The following LPAR3 variants were observed in gnomAD, a reference collection of about 807,000 sequenced individuals.
The protein encoded by LPAR3 is lysophosphatidic acid receptor 3, also known as LPA receptor 3.
A neutral mutation model predicts 17.8 loss-of-function variants in LPAR3; 7 were observed. The observed-to-expected ratio is 0.39, with a 90% confidence interval of 0.22 to 0.74. The LOEUF (loss-of-function observed/expected upper bound fraction) is 0.74. Among genes scored for constraint, LPAR3 ranks in the 30% least tolerant of loss-of-function variants. The probability of loss-of-function intolerance (pLI) is 0.40; values close to 1 mark genes in which losing one functional copy is unlikely to be tolerated. For synonymous variants in LPAR3, 179 were observed against 179.9 expected (o/e 0.99, Z 0.04); for missense variants, 391 against 453.4 (o/e 0.86, Z 1.25).
At chr1:84,830,417 C>T (rs916965711) in intron 2 of LPAR3, among the ~76,000 whole-genome samples, 3 of 152,138 alleles carry the variant, frequency 2.0e-5, no homozygotes, top group African/African-American at 7.2e-5. Context: ...ACTGTTAATG[C>T]CTGGTGACCT....
At chr1:84,870,433 T>C (rs1296983003) in intron 1 of LPAR3, among the ~76,000 whole-genome samples, 11 of 152,266 alleles carry the variant, frequency 7.2e-5, no homozygotes, top group East Asian at 1.9e-4. Context: ...ATCTCTGTCT[T>C]ACACTATCTT....
chr1:84,814,291 T>C (rs1658890412), intron 2 of LPAR3, 120 bp from the exon 3 acceptor site: 2 of 770,862 alleles, frequency 2.6e-6, no homozygotes, highest in Non-Finnish European at 4.1e-6. Context: ...TTTTGACAAC[T>C]GCAAGGCAAA....
In LPAR3 at chr1:84,813,159, A is replaced by ATATATAT. The variant is rs59691846; in HGVS notation, c.*686_*687insATATATA. On this transcript the variant is annotated 3_prime_UTR_variant, in exon 3 of 3. Coordinates refer to ENST00000370611, the MANE Select transcript of LPAR3 (RefSeq NM_012152.3). ...TATATATATATATATATATATATAT[A>ATATATAT]GACACACACACACACACACACACAC... is the stretch of plus-strand genomic sequence containing the variant. 1.0e-5 allele frequency: 1 copy of ATATATAT among 97,528 alleles called. No homozygotes were observed. Among genetic ancestry groups the ATATATAT allele is most frequent in the African/African-American group, 3.8e-5 (1 of 26,080 alleles). The allele number at this position is 97,528 out of a possible 1,614,324, so 6.0% of individuals were successfully genotyped here. A position where few individuals can be genotyped will look rare whatever the true frequency, so the allele number is the denominator to read the frequency against.
chr1:84,838,220 G>A (rs897231862), intron 2 of LPAR3, among the ~76,000 whole-genome samples: 2 of 152,134 alleles, frequency 1.3e-5, no homozygotes, highest in African/African-American at 2.4e-5. Flanking sequence ...ACAGCCCTGT[G>A]CCAATACTCT....
intron 2 of LPAR3, among the ~76,000 whole-genome samples, chr1:84,816,235 T>C (rs1169696702): frequency 6.6e-6 from 1 of 152,220 alleles, no homozygotes; most frequent in Non-Finnish European, 1.5e-5. Context: ...TGAGAATTCA[T>C]ATTAGTAAGT....
chr1:84,880,911 A>G (rs1660352757), intron 1 of LPAR3, among the ~76,000 whole-genome samples: 1 of 152,136 alleles, frequency 6.6e-6, no homozygotes, highest in Non-Finnish European at 1.5e-5. Flanking sequence ...GGAAGCATGG[A>G]CCAACCATGG....
At chr1:84,881,894 C>G (rs1302805981) in intron 1 of LPAR3, among the ~76,000 whole-genome samples, 1 of 152,156 alleles carries the variant, frequency 6.6e-6, no homozygotes, top group Non-Finnish European at 1.5e-5. Flanking sequence ...TGGTGAAAAA[C>G]TGAAAGCTTT....
At chr1:84,822,624 C>T (rs185199979) in intron 2 of LPAR3, among the ~76,000 whole-genome samples, 24 of 152,284 alleles carry the variant, frequency 1.6e-4, no homozygotes, top group Admixed American at 1.5e-3. Flanking sequence ...TACCTCATCT[C>T]CACATTATAG....
chr1:84,885,632 T>C (rs1048185255), intron 1 of LPAR3, among the ~76,000 whole-genome samples: 5 of 152,192 alleles, frequency 3.3e-5, no homozygotes, highest in South Asian at 2.1e-4. Context: ...GGGAGGTACA[T>C]AGAGACATGA....
At chr1:84,867,543 C>CTT (rs59270501) in intron 1 of LPAR3, among the ~76,000 whole-genome samples, 13,319 of 151,760 alleles carry the variant, frequency 0.088, 726 homozygotes, top group Admixed American at 0.2. Context: ...GTATCTCAGT[C>CTT]TTTTTTTTAA....
At chr1:84,827,264 A>G (rs1250713158) in intron 2 of LPAR3, among the ~76,000 whole-genome samples, 1 of 152,184 alleles carries the variant, frequency 6.6e-6, no homozygotes, top group Non-Finnish European at 1.5e-5. Context: ...CTGAGCCAAA[A>G]GTCACAAATG....
At chr1:84,823,855 G>A (rs1317970200) in intron 2 of LPAR3, among the ~76,000 whole-genome samples, 1 of 152,188 alleles carries the variant, frequency 6.6e-6, no homozygotes, top group Non-Finnish European at 1.5e-5. Flanking sequence ...TGTGTGTACT[G>A]ACAGAGTAGC....
Position 84,828,008 on chromosome 1 carries a change from G to T in LPAR3, c.737-13837C>A, listed in dbSNP as rs144291949. Among the ~76,000 whole-genome samples the T allele has an allele frequency of 1.3e-3, 193 of 152,280 alleles. 1 individual carries two copies. Among genetic ancestry groups the T allele is most frequent in the African/African-American group, 4.4e-3 (181 of 41,560 alleles). On this transcript the variant is annotated intron_variant, in intron 2 of 2. Coordinates refer to ENST00000370611, the MANE Select transcript of LPAR3 (RefSeq NM_012152.3). The stretch of plus-strand genomic sequence containing the variant: ...AACAGCTAAACCAAAAGAAGAAGAG[G>T]GGGTGGAGGGGAGGAGGGAGAAATA...
chr1:84,836,379 G>C (rs1434339153), intron 2 of LPAR3, among the ~76,000 whole-genome samples: 4 of 148,150 alleles, frequency 2.7e-5, no homozygotes, highest in Non-Finnish European at 5.9e-5. Flanking sequence ...ATTTTGCTGA[G>C]CATCTGTCAT....
chr1:84,824,862 A>C (rs1392657989), intron 2 of LPAR3, among the ~76,000 whole-genome samples: 1 of 152,214 alleles, frequency 6.6e-6, no homozygotes, highest in African/African-American at 2.4e-5. Context: ...CTGTCCTGCT[A>C]GACTGACACC....
In LPAR3 at chr1:84,814,098, G is replaced by A. The variant is rs148842899; in HGVS notation, c.810C>T (p.Gly270=). The change falls in exon 3 of 3, where the codon GGC becomes GGT. Residue 270 remains glycine (G), a synonymous_variant. Coordinates refer to ENST00000370611, the MANE Select transcript of LPAR3 (RefSeq NM_012152.3). ...LLDGLNCRQC[G]VQHVKRWFLL... ...GGAACCACCTTTTCACATGCTGCACGCCACACTGCCTGCAGTTCAGGCCGT... is the reference window on the plus strand; with the variant it reads ...GGAACCACCTTTTCACATGCTGCACACCACACTGCCTGCAGTTCAGGCCGT... 3.0e-4 allele frequency: 481 copies of A among 1,614,140 alleles called. 3 individuals are homozygous for A. The African/African-American group carries it at 3.8e-3, about 13-fold the overall frequency.
chr1:84,847,883 AG>A (rs1293719835), intron 2 of LPAR3, among the ~76,000 whole-genome samples: 5 of 152,254 alleles, frequency 3.3e-5, no homozygotes, highest in Admixed American at 3.3e-4. Flanking sequence ...TGATTGCTAA[AG>A]GAAGTAGCAT....
chr1:84,870,322 T>C (rs1397232813), intron 1 of LPAR3, among the ~76,000 whole-genome samples: 2 of 152,240 alleles, frequency 1.3e-5, no homozygotes, highest in Non-Finnish European at 2.9e-5. Flanking sequence ...AAGAATTTAT[T>C]GTCCATCTCC....
rs149590072 is a variant in LPAR3, at chr1:84,865,490, C to T, written c.631G>A (p.Val211Met). The T allele has an allele frequency of 4.3e-5, 69 of 1,614,132 alleles. No homozygotes were observed. The East Asian group carries it at 1.2e-3, about 28-fold the overall frequency. Residue 211 changes from valine to methionine, a missense_variant, in exon 2 of 3, where the codon GTG becomes ATG. Val to Met is a conservative substitution (Grantham distance 21, BLOSUM62 1). Coordinates refer to ENST00000370611, the MANE Select transcript of LPAR3 (RefSeq NM_012152.3). Reference sequence around the variant, plus strand: ...ACGTTGGTTTTCCTCTTGACGTACACGTAGATCCGCAGGTACACCACAACC... The same window carrying T: ...ACGTTGGTTTTCCTCTTGACGTACATGTAGATCCGCAGGTACACCACAACC... ...IMVVVYLRIY[V>M]YVKRKTNVLS...
Sources: gnomAD v4.1 joint callset for allele counts (sites outside exome capture counted in the v4.1 genomes callset) on GRCh38, gnomAD v4.1.1 for gene constraint, MANE v1.5 for transcripts, NCBI Gene and HGNC (gene_info 2026-07-23, HGNC 2026-07-21) for gene names.